Variants in FHL2 observed in about 807,000 individuals in gnomAD.
The protein encoded by FHL2 is four and a half LIM domains protein 2.
In FHL2, 20 loss-of-function variants were observed where a neutral mutation model predicts 32.7. The observed-to-expected ratio is 0.61, with a 90% CI of 0.43 to 0.89. The LOEUF (loss-of-function observed/expected upper bound fraction) is 0.89, where lower values mean the gene tolerates loss of function less well. FHL2 is among the 40% of genes least tolerant of loss of function. FHL2 has a pLI of 0.00. For synonymous variants in FHL2, 123 were observed against 128.1 expected, an observed-to-expected ratio of 0.96 and a Z score of 0.27; for missense variants, 311 against 358.6, an observed-to-expected ratio of 0.87 and a Z score of 1.07.
intron 1 of FHL2, among the ~76,000 whole-genome samples, chr2:105,409,764 T>C (rs963318381): frequency 6.6e-6 from 1 of 152,220 alleles, no homozygotes; most frequent in Non-Finnish European, 1.5e-5. Context: ...TCTTGATTCC[T>C]CTGAAGACCT....
intron 4 of FHL2, 147 bp downstream of exon 4, chr2:105,373,412 C>T: frequency 2.5e-6 from 2 of 786,198 alleles, no homozygotes; most frequent in Non-Finnish European, 4.3e-6. Flanking sequence ...TTCGTAAGTA[C>T]TCTAAATACT....
At chr2:105,391,385 G>A (rs150192547) in intron 2 of FHL2, among the ~76,000 whole-genome samples, 1 of 152,306 alleles carries the variant, frequency 6.6e-6, no homozygotes, top group East Asian at 1.9e-4. Flanking sequence ...TGAGAGAGCA[G>A]GCAGGCATCC....
intron 6 of FHL2, among the ~76,000 whole-genome samples, chr2:105,362,339 A>G (rs1217136855): frequency 6.6e-6 from 1 of 152,218 alleles, no homozygotes; most frequent in African/African-American, 2.4e-5. Context: ...TGAGCTCTGC[A>G]TTACACATGA....
intron 4 of FHL2, among the ~76,000 whole-genome samples, chr2:105,372,600 C>T (rs554727549): frequency 2.0e-5 from 3 of 152,094 alleles, no homozygotes; most frequent in Non-Finnish European, 4.4e-5. Context: ...ACAAAGCAAA[C>T]CAACATGATG....
intron 1 of FHL2, among the ~76,000 whole-genome samples, chr2:105,435,530 G>T (rs1684583082): frequency 6.6e-6 from 1 of 152,172 alleles, no homozygotes; most frequent in African/African-American, 2.4e-5. Flanking sequence ...AGCCGCTTCA[G>T]ATACCATCTA....
chr2:105,399,242 T>C (rs1022445171), upstream of FHL2: 1 of 1,534,958 alleles, frequency 6.5e-7, no homozygotes. Flanking sequence ...CCAGGGCTCC[T>C]TTCTTCGTGC....
chr2:105,417,831 C>A (rs1172362430), intron 1 of FHL2, among the ~76,000 whole-genome samples: 1 of 151,986 alleles, frequency 6.6e-6, no homozygotes, highest in Non-Finnish European at 1.5e-5. Context: ...TTTCCCCCTA[C>A]TGCTTGGTGA....
At chr2:105,436,780 G>C (rs181848145) in intron 1 of FHL2, among the ~76,000 whole-genome samples, 215 of 152,196 alleles carry the variant, frequency 1.4e-3, no homozygotes, top group Admixed American at 3.7e-3. Context: ...GACTATATAT[G>C]ATTTTCCATT....
At chr2:105,414,875 T>C (rs1437166107) in intron 1 of FHL2, among the ~76,000 whole-genome samples, 1 of 152,210 alleles carries the variant, frequency 6.6e-6, no homozygotes, top group African/African-American at 2.4e-5. Flanking sequence ...TTTTAGGAGC[T>C]GTACATCAGG....
chr2:105,420,642 T>A (rs1684072864), intron 1 of FHL2, among the ~76,000 whole-genome samples: 1 of 152,128 alleles, frequency 6.6e-6, no homozygotes, highest in Non-Finnish European at 1.5e-5. Flanking sequence ...CCTAACCTTT[T>A]TGGCACCAGG....
At chr2:105,436,935 T>C (rs1684631446) in intron 1 of FHL2, among the ~76,000 whole-genome samples, 1 of 152,292 alleles carries the variant, frequency 6.6e-6, no homozygotes, top group Non-Finnish European at 1.5e-5. Flanking sequence ...ATCTTGTAAA[T>C]ATGAAACATT....
chr2:105,368,350 G>A (rs1182016187), intron 4 of FHL2, among the ~76,000 whole-genome samples: 3 of 151,194 alleles, frequency 2.0e-5, no homozygotes, highest in Non-Finnish European at 2.9e-5. Context: ...TTTTGTTTTC[G>A]AGACAGGGTC....
At chr2:105,401,354 A>G (rs1231252664), upstream of FHL2, among the ~76,000 whole-genome samples, 1 of 152,166 alleles carries the variant, frequency 6.6e-6, no homozygotes, top group Non-Finnish European at 1.5e-5. Flanking sequence ...GGGCCTATAT[A>G]TATACGAAAT....
chr2:105,428,270 G>A (rs1461762051), intron 1 of FHL2, among the ~76,000 whole-genome samples: 2 of 152,240 alleles, frequency 1.3e-5, no homozygotes, highest in Non-Finnish European at 1.5e-5. Flanking sequence ...CCACCCATAG[G>A]TGAGGTCTGG....
In FHL2 at chr2:105,428,623, G is replaced by A. The variant is rs184647562; in HGVS notation, c.-25+9776C>T. 1.4e-4 allele frequency among the ~76,000 whole-genome samples: 21 copies of A among 152,314 alleles called. No individual in the cohort carries two copies. The East Asian group carries it at 2.5e-3, about 18-fold the overall frequency. ...CATGCTTGCCCTGTCCCTTGGCTTC[G>A]TGTGGGTCAGCTTGTTCTGCCACCT... On this transcript the variant is annotated intron_variant, in intron 1 of 5. Transcript: ENST00000393352.
chr2:105,399,463 C>T (rs1490022497), upstream of FHL2: 2 of 1,536,176 alleles, frequency 1.3e-6, no homozygotes, highest in East Asian at 2.4e-5. Flanking sequence ...GAGGCATGTG[C>T]CTGGGATATA....
chr2:105,438,289 G>T, intron 1 of FHL2: 3 of 888,286 alleles, frequency 3.4e-6, no homozygotes, highest in South Asian at 5.1e-5. Context: ...TCCTCCCAGG[G>T]CTGGACACTC....
At chr2:105,410,697 T>G (rs1485711092) in intron 1 of FHL2, among the ~76,000 whole-genome samples, 1 of 152,094 alleles carries the variant, frequency 6.6e-6, no homozygotes, top group Non-Finnish European at 1.5e-5. Flanking sequence ...CAGAGGGAAG[T>G]GTGTGGTATG....
rs17696161 is a variant in FHL2 at position 105,368,655 on chromosome 2, A to T, written c.332-916T>A. ...GAAACACTTATGGGTCACCCCTGCC[A>T]CCACCAAGCTGGACTCACTGCAAGT... On this transcript the variant is annotated intron_variant, in intron 4 of 6. Coordinates refer to ENST00000530340, the MANE Select transcript of FHL2 (RefSeq NM_001318895.3). Among the ~76,000 whole-genome samples the T allele has an allele frequency of 7.7e-3, 1,170 of 152,310 alleles. 8 individuals are homozygous for T. Among genetic ancestry groups the T allele is most frequent in the South Asian group, 0.014 (69 of 4,818 alleles).
Sources: allele counts gnomAD v4.1 joint callset (sites outside exome capture counted in the v4.1 genomes callset), GRCh38; gene constraint gnomAD v4.1.1; transcripts MANE v1.5; gene names NCBI Gene and HGNC (gene_info 2026-07-23, HGNC 2026-07-21).